Variants in EIF4ENIF1 observed in about 807,000 individuals in gnomAD.
The protein encoded by EIF4ENIF1 is eukaryotic translation initiation factor 4E transporter.
A neutral mutation model predicts 110.5 loss-of-function variants in EIF4ENIF1; 23 were observed. That is an observed-to-expected ratio of 0.21 (90% CI 0.15 to 0.29). The LOEUF (loss-of-function observed/expected upper bound fraction) is 0.29, where lower values mean the gene tolerates loss of function less well. EIF4ENIF1 is among the 10% of genes least tolerant of loss of function. The pLI is 1.00. For synonymous variants in EIF4ENIF1, 440 were observed against 437.0 expected (o/e 1.01, Z -0.09); for missense variants, 1,031 against 1,221.1 (o/e 0.84, Z 2.32).
In EIF4ENIF1 at chr22:31,468,197, A is replaced by G; in HGVS notation, c.276T>C (p.Pro92=). 1.2e-6 allele frequency: 2 copies of G among 1,614,118 alleles called. No individual in the cohort carries two copies. The stretch of plus-strand genomic sequence containing the variant: ...CACCTACTATCCTGCGCACCAGGGA[A>G]GGCCGGTCTGTATCCAACTCTTTCT... The part of the protein sequence containing the change: ...SLKKELDTDR[P]SLVRRIVDPR... Residue 92 remains proline (P), a synonymous_variant, in exon 4 of 19, where the codon CCT becomes CCC. Transcript: ENST00000330125.
chr22:31,468,152 C>T, intron 4 of EIF4ENIF1, 23 bp downstream of exon 4: 1 of 1,610,362 alleles, frequency 6.2e-7, no homozygotes, highest in Non-Finnish European at 8.5e-7. Context: ...ACTAACCCCA[C>T]TTCTGAGTGA....
chr22:31,440,995 C>T, intron 17 of EIF4ENIF1, 127 bp from the exon 18 acceptor site: 9 of 1,277,952 alleles, frequency 7.0e-6, no homozygotes, highest in African/African-American at 6.0e-5. Flanking sequence ...GTGGCTCACG[C>T]CTGTAATCCC....
At position 31,441,885 on chromosome 22, in the gene EIF4ENIF1, C is replaced by T; in HGVS notation, c.2440G>A (p.Val814Ile). The T allele has an allele frequency of 6.2e-7, 1 of 1,614,094 alleles. No homozygotes were observed. The highest frequency in any genetic ancestry group is 2.2e-5 in the East Asian group (1 of 44,872). The change falls in exon 17 of 19, where the codon GTC (valine) becomes ATC (isoleucine). Residue 814 changes from valine (V) to isoleucine (I), a missense_variant. By Grantham distance (29) the Val-to-Ile change is conservative (BLOSUM62 3). Around this residue, in one of 3 missense-constraint regions of EIF4ENIF1, gnomAD observed 309 missense variants for 299.1 expected, o/e 1.03. Transcript: ENST00000330125. ...GGCCTAACCATAGGGACATGGGGGA[C>T]AAGGGGAACTTGGTGGACAGGGCGG... ...FLRPVHQVPL[V>I]PHVPMVRPAH...
chr22:31,447,980 C>T (rs2050527834), intron 13 of EIF4ENIF1, among the ~76,000 whole-genome samples, 173 bp downstream of exon 13: 1 of 152,086 alleles, frequency 6.6e-6, no homozygotes, highest in African/African-American at 2.4e-5. Flanking sequence ...TACTTTTGGG[C>T]TCAAGTGATC....
intron 10 of EIF4ENIF1, among the ~76,000 whole-genome samples, chr22:31,452,645 C>T (rs2050708889): frequency 6.6e-6 from 1 of 152,210 alleles, no homozygotes; most frequent in Admixed American, 6.5e-5. Flanking sequence ...CACACCATTG[C>T]AGTCAGCACC....
chr22:31,460,605 G>T (rs2050960032), intron 6 of EIF4ENIF1, among the ~76,000 whole-genome samples: 2 of 151,074 alleles, frequency 1.3e-5, no homozygotes, highest in Non-Finnish European at 2.9e-5. Context: ...CTCCAGCCTG[G>T]GTGACAGAGC....
At position 31,453,557 on chromosome 22, in the gene EIF4ENIF1, G is replaced by A. The variant is rs528791990; in HGVS notation, c.1512+587C>T. Reference sequence around the variant, plus strand: ...GCCTGGCTAATTTTTATTTTTAGTAGAGATGGCGTTTCACCATGTTGGCCA... The same window carrying A: ...GCCTGGCTAATTTTTATTTTTAGTAAAGATGGCGTTTCACCATGTTGGCCA... On this transcript the variant is annotated intron_variant, in intron 10 of 18. Transcript: ENST00000330125. Among the ~76,000 whole-genome samples the A allele has an allele frequency of 7.2e-5, 11 of 152,116 alleles. No homozygotes were observed. The South Asian group carries it at 2.3e-3, about 32-fold the overall frequency.
rs1417993002 is a variant in EIF4ENIF1, at chr22:31,439,383, G to A, written c.*497C>T. 1 of 156,356 alleles carries A rather than the reference G, an allele frequency of 6.4e-6. No individual in the cohort carries two copies. Among genetic ancestry groups the A allele is most frequent in the Non-Finnish European group, 1.4e-5 (1 of 70,258 alleles). 9.7% of individuals were successfully genotyped at this position (156,356 alleles called of 1,614,324 possible). A position where few individuals can be genotyped will look rare whatever the true frequency, so the allele number is the denominator to read the frequency against. The stretch of plus-strand genomic sequence containing the variant: ...GTCAGTTACTTCATTCACACACTTA[G>A]CATATGCAATTTTAATCAACCAAAA... On this transcript the variant is annotated 3_prime_UTR_variant, in exon 19 of 19. Coordinates refer to ENST00000330125, the MANE Select transcript of EIF4ENIF1 (RefSeq NM_019843.4).
upstream of EIF4ENIF1, among the ~76,000 whole-genome samples, chr22:31,491,035 AG>A (rs749625423): frequency 8.5e-5 from 13 of 152,196 alleles, no homozygotes; most frequent in Non-Finnish European, 1.9e-4. Context: ...GTTTTTTTAC[AG>A]GCAAGAGGCA....
intron 6 of EIF4ENIF1, among the ~76,000 whole-genome samples, chr22:31,459,203 C>T (rs1243993283): frequency 3.3e-5 from 5 of 152,112 alleles, no homozygotes; most frequent in African/African-American, 1.2e-4. Flanking sequence ...GCTAGGATTA[C>T]AGTAGTGAGC....
intron 12 of EIF4ENIF1, 100 bp downstream of exon 12, chr22:31,449,248 G>C (rs1328193457): frequency 7.9e-7 from 1 of 1,262,566 alleles, no homozygotes. Context: ...GACCTCAGGT[G>C]ATCTGCCCAC....
Position 31,441,891 on chromosome 22 carries a change from G to T in EIF4ENIF1, c.2434C>A (p.Pro812Thr). Residue 812 changes from proline (P) to threonine (T), a missense_variant, in exon 17 of 19, where the codon CCC becomes ACC. By Grantham distance (38) the Pro-to-Thr change is conservative. Coordinates refer to ENST00000330125, the MANE Select transcript of EIF4ENIF1 (RefSeq NM_019843.4). ...TPFLRPVHQV[P>T]LVPHVPMVRP... ...ACCATAGGGACATGGGGGACAAGGG[G>T]AACTTGGTGGACAGGGCGGAGAAAA... 1 of 1,614,202 alleles carries T rather than the reference G, an allele frequency of 6.2e-7. No homozygotes were observed. The highest frequency in any genetic ancestry group is 8.5e-7 in the Non-Finnish European group (1 of 1,180,036).
In EIF4ENIF1 at chr22:31,455,968, C is replaced by T; in HGVS notation, c.983G>A (p.Gly328Glu). Reference protein sequence around the residue: ...CLASMIEDVLGEGSVSASRFS... With the variant: ...CLASMIEDVLEEGSVSASRFS... Reference sequence around the variant, plus strand: ...CCGACTGGCAGAGACTGACCCTTCTCCCAAAACATCTTCTATCATCTGAAG... The same window carrying T: ...CCGACTGGCAGAGACTGACCCTTCTTCCAAAACATCTTCTATCATCTGAAG... The change falls in exon 8 of 19, where the codon GGA (glycine) becomes GAA (glutamate). Residue 328 changes from glycine to glutamate, a missense_variant. Transcript: ENST00000330125. The T allele has an allele frequency of 6.2e-7, 1 of 1,613,984 alleles. No individual in the cohort carries two copies. The highest frequency in any genetic ancestry group is 8.5e-7 in the Non-Finnish European group (1 of 1,179,964).
chr22:31,486,270 CAAAA>C (rs374138027), intron 2 of EIF4ENIF1, among the ~76,000 whole-genome samples: 3 of 146,692 alleles, frequency 2.0e-5, no homozygotes, highest in Non-Finnish European at 3.0e-5. Context: ...AACTCCGTCT[CAAAA>C]AAAAAAAAAT....
intron 14 of EIF4ENIF1, chr22:31,446,989 G>C: frequency 2.1e-6 from 1 of 468,644 alleles, no homozygotes; most frequent in Non-Finnish European, 4.4e-6. Context: ...CATCAAGGGA[G>C]TTTGATAAGA....
intron 2 of EIF4ENIF1, among the ~76,000 whole-genome samples, chr22:31,487,070 C>CA (rs34019421): frequency 7.5e-4 from 109 of 146,030 alleles, no homozygotes; most frequent in African/African-American, 1.7e-3. Context: ...AACTCCATCT[C>CA]AAAAAAAAAA....
chr22:31,477,940 A>G (rs1247625743), intron 2 of EIF4ENIF1, among the ~76,000 whole-genome samples: 2 of 152,216 alleles, frequency 1.3e-5, no homozygotes, highest in African/African-American at 4.8e-5. Context: ...CCATATGGAA[A>G]ATGATGCATT....
At chr22:31,458,379 CCAAAAG>C (rs959944124) in intron 7 of EIF4ENIF1, 90 bp downstream of exon 7, 454 of 1,138,302 alleles carry the variant, frequency 4.0e-4, no homozygotes, top group Middle Eastern at 3.5e-3. Context: ...GCCAAAAACC[CCAAAAG>C]CATCTAGCAA....
chr22:31,485,759 G>A (rs530600543), intron 2 of EIF4ENIF1, among the ~76,000 whole-genome samples: 12 of 152,018 alleles, frequency 7.9e-5, no homozygotes, highest in Non-Finnish European at 1.5e-4. Context: ...AGCCAAGATC[G>A]TGCCATTGCA....
Sources: allele counts gnomAD v4.1 joint callset (sites outside exome capture counted in the v4.1 genomes callset), GRCh38; gene constraint gnomAD v4.1.1; regional missense constraint gnomAD v4.1.1; transcripts MANE v1.5; gene names NCBI Gene and HGNC (gene_info 2026-07-23, HGNC 2026-07-21).